Variants in SNTG1 observed in about 807,000 individuals in gnomAD.
SNTG1 encodes the protein syntrophin gamma 1.
Under a neutral mutation model 74.7 loss-of-function variants are expected in SNTG1, and 39 were observed. The ratio of observed to expected loss-of-function variants is 0.52; its 90% confidence interval spans 0.40 to 0.68. The LOEUF is 0.68. SNTG1 is among the 30% of genes least tolerant of loss of function. The pLI, the probability that SNTG1 is intolerant of heterozygous loss-of-function variation, is 0.00. For missense variants in SNTG1, 685 were observed against 609.5 expected, an observed-to-expected ratio of 1.12 and a Z score of -1.30; for synonymous variants, 254 against 217.1, an observed-to-expected ratio of 1.17 and a Z score of -1.49.
chr8:50,024,956 C>G (rs1817142592), intron 1 of SNTG1, among the ~76,000 whole-genome samples: 1 of 152,040 alleles, frequency 6.6e-6, no homozygotes, highest in African/African-American at 2.4e-5. Context: ...TAAAATTCTA[C>G]AAGTCGTTTA....
At chr8:50,235,230 T>A (rs947537129) in intron 2 of SNTG1, among the ~76,000 whole-genome samples, 5 of 151,950 alleles carry the variant, frequency 3.3e-5, no homozygotes, top group Non-Finnish European at 2.9e-5. Context: ...AAAGAAAATG[T>A]GGAATATGTG....
At chr8:50,233,927 A>G (rs2085761968) in intron 2 of SNTG1, among the ~76,000 whole-genome samples, 1 of 151,846 alleles carries the variant, frequency 6.6e-6, no homozygotes, top group Non-Finnish European at 1.5e-5. Flanking sequence ...GAGAAAACGG[A>G]TCGCTCATAT....
chr8:50,302,607 G>C (rs530227274), intron 2 of SNTG1, among the ~76,000 whole-genome samples: 1 of 152,158 alleles, frequency 6.6e-6, no homozygotes, highest in Non-Finnish European at 1.5e-5. Flanking sequence ...AATTTAAAAA[G>C]GAATGAATTA....
chr8:50,144,807 G>A (rs1191146376), intron 1 of SNTG1, among the ~76,000 whole-genome samples: 1 of 152,128 alleles, frequency 6.6e-6, no homozygotes, highest in Non-Finnish European at 1.5e-5. Flanking sequence ...TTATATAAAG[G>A]AAAGGGATCA....
chr8:50,300,755 A>C (rs1167010962), intron 2 of SNTG1, among the ~76,000 whole-genome samples: 1 of 152,170 alleles, frequency 6.6e-6, no homozygotes, highest in Non-Finnish European at 1.5e-5. Flanking sequence ...TTGGTTGTAA[A>C]GCAGGTGCTA....
chr8:50,522,368 A>T (rs1427873340), intron 9 of SNTG1, among the ~76,000 whole-genome samples: 1 of 151,886 alleles, frequency 6.6e-6, no homozygotes, highest in Non-Finnish European at 1.5e-5. Context: ...TATTCAGTAA[A>T]CCTTGCTGTA....
At chr8:50,700,917 T>C (rs983696851) in intron 15 of SNTG1, among the ~76,000 whole-genome samples, 23 of 152,124 alleles carry the variant, frequency 1.5e-4, no homozygotes, top group African/African-American at 5.3e-4. Flanking sequence ...ATTTGCAGAG[T>C]TGATTAGAGG....
At chr8:50,180,090 C>T (rs915519302) in intron 2 of SNTG1, among the ~76,000 whole-genome samples, 2 of 152,088 alleles carry the variant, frequency 1.3e-5, no homozygotes, top group Non-Finnish European at 2.9e-5. Context: ...TAATATAATA[C>T]TATTCAGTCT....
rs772246419 is a variant in SNTG1 at position 49,938,591 on chromosome 8, TC to T, written c.-103+26361del. Among the ~76,000 whole-genome samples the T allele has an allele frequency of 0.043, 491 of 11,526 alleles. 18 individuals are homozygous for T. The South Asian group carries it at 0.43, about 10-fold the overall frequency. 7.6% of individuals were successfully genotyped at this position (11,526 alleles called of 152,430 possible). A position where few individuals can be genotyped will look rare whatever the true frequency, so the allele number is the denominator to read the frequency against. On this transcript the variant is annotated intron_variant, in intron 1 of 18. Coordinates refer to ENST00000642720, the MANE Select transcript of SNTG1 (RefSeq NM_018967.5). ...TCTTTTCTTTTCTTTTCTTTTCTTTTCTTTTCTTTTCTTTTCTTTCTTTCTT... is the reference window on the plus strand; with the variant it reads ...TCTTTTCTTTTCTTTTCTTTTCTTTTTTTTCTTTTCTTTTCTTTCTTTCTT...
At chr8:50,625,771 G>A (rs1258630447) in intron 13 of SNTG1, among the ~76,000 whole-genome samples, 2 of 152,156 alleles carry the variant, frequency 1.3e-5, no homozygotes, top group Non-Finnish European at 2.9e-5. Context: ...TAGCAAGGCA[G>A]TTTTGATAGA....
In SNTG1 at chr8:50,725,161, AT is replaced by A. The variant is rs566112914; in HGVS notation, c.1284+16185del. On this transcript the variant is annotated intron_variant, in intron 17 of 18. Transcript: ENST00000642720. ...AAATATACCTTCTCCATCTAAATATATTAGATCAACTTATTTGGGCGACGTT... is the reference window on the plus strand; with the variant it reads ...AAATATACCTTCTCCATCTAAATATATAGATCAACTTATTTGGGCGACGTT... Among the ~76,000 whole-genome samples, 520 of 152,328 alleles carry A rather than the reference AT, an allele frequency of 3.4e-3. 4 individuals are homozygous for A. The highest frequency in any genetic ancestry group is 2.8e-3 in the Non-Finnish European group (192 of 68,016).
intron 15 of SNTG1, among the ~76,000 whole-genome samples, chr8:50,690,048 A>C (rs1467971799): frequency 6.6e-6 from 1 of 152,208 alleles, no homozygotes; most frequent in Non-Finnish European, 1.5e-5. Flanking sequence ...AGATGTTTGT[A>C]GTATTCTCTG....
chr8:50,411,402 C>A (rs1465790642), intron 4 of SNTG1, among the ~76,000 whole-genome samples: 2 of 149,274 alleles, frequency 1.3e-5, no homozygotes, highest in African/African-American at 2.5e-5. Context: ...GAGCCGAGAT[C>A]TCTCCACTGC....
chr8:50,698,000 G>C (rs1450700403), intron 15 of SNTG1, among the ~76,000 whole-genome samples: 1 of 152,126 alleles, frequency 6.6e-6, no homozygotes, highest in African/African-American at 2.4e-5. Context: ...AGTTTCAGGA[G>C]TATTGGCACC....
chr8:50,175,106 C>G (rs942807201), intron 2 of SNTG1, among the ~76,000 whole-genome samples: 13 of 152,028 alleles, frequency 8.6e-5, no homozygotes, highest in African/African-American at 3.1e-4. Context: ...TTAATCCAGT[C>G]TATCATTGTT....
intron 12 of SNTG1, among the ~76,000 whole-genome samples, chr8:50,567,974 T>C (rs1248366316): frequency 1.3e-5 from 2 of 152,092 alleles, no homozygotes; most frequent in Non-Finnish European, 2.9e-5. Flanking sequence ...TCTGTATTCA[T>C]TGGTCAACCT....
chr8:50,086,063 A>G (rs1822856277), intron 1 of SNTG1, among the ~76,000 whole-genome samples: 1 of 152,200 alleles, frequency 6.6e-6, no homozygotes, highest in Non-Finnish European at 1.5e-5. Context: ...GATTTGGGGT[A>G]GCAACCAACT....
chr8:50,454,206 A>T (rs1011652979), intron 8 of SNTG1, among the ~76,000 whole-genome samples: 1 of 152,180 alleles, frequency 6.6e-6, no homozygotes, highest in Non-Finnish European at 1.5e-5. Flanking sequence ...ACATATCAAG[A>T]ATTATCTGGG....
chr8:50,791,694 T>A (rs2095691032), intron 18 of SNTG1, among the ~76,000 whole-genome samples: 2 of 151,826 alleles, frequency 1.3e-5, no homozygotes, highest in South Asian at 4.1e-4. Context: ...AAATATATAA[T>A]AAAATAGCAA....
Sources: allele counts gnomAD v4.1 joint callset (sites outside exome capture counted in the v4.1 genomes callset), GRCh38; gene constraint gnomAD v4.1.1; transcripts MANE v1.5; gene names NCBI Gene and HGNC (gene_info 2026-07-23, HGNC 2026-07-21).